The following PLCL2 variants were observed in gnomAD, a reference collection of about 807,000 sequenced individuals.
PLCL2 encodes phospholipase C like 2.
PLCL2 carries 4 observed loss-of-function variants against 79.6 expected under a neutral mutation model. That is an observed-to-expected ratio of 0.05 (90% confidence interval 0.02 to 0.11). The LOEUF (loss-of-function observed/expected upper bound fraction) is 0.11. PLCL2 is among the 10% of genes least tolerant of loss of function. The pLI is 1.00. For synonymous variants in PLCL2, 484 were observed against 457.7 expected, an observed-to-expected ratio of 1.06 and a Z score of -0.73; for missense variants, 895 against 1,291.0, an observed-to-expected ratio of 0.69 and a Z score of 4.70.
intron 1 of PLCL2, among the ~76,000 whole-genome samples, chr3:16,923,824 C>A (rs940166586): frequency 6.6e-6 from 1 of 152,092 alleles, no homozygotes; most frequent in East Asian, 1.9e-4. Flanking sequence ...TCTTTCTGCT[C>A]CTCAGATTGG....
Position 17,011,707 on chromosome 3 carries a change from C to T in PLCL2, c.2361C>T (p.Ile787=). 6.2e-7 allele frequency: 1 copy of T among 1,614,086 alleles called. No individual in the cohort carries two copies. The highest frequency in any genetic ancestry group is 8.5e-7 in the Non-Finnish European group (1 of 1,179,974). ...TAGATCCTTATGTCTATGTTGAAATCCATGGAATCCCTGCTGATTGTGCAG... is the reference window on the plus strand; with the variant it reads ...TAGATCCTTATGTCTATGTTGAAATTCATGGAATCCCTGCTGATTGTGCAG... The part of the protein sequence containing the change: ...DVVDPYVYVE[I]HGIPADCAEQ... The change falls in exon 2 of 6, where the codon ATC becomes ATT. Residue 787 remains isoleucine (I), a synonymous_variant. Transcript: ENST00000615277. This position sits in a 1 kb window ranked among gnomAD's most constrained non-coding sequence, Gnocchi z 7.9.
chr3:17,065,394 A>G (rs2064999928), intron 4 of PLCL2, among the ~76,000 whole-genome samples: 1 of 152,188 alleles, frequency 6.6e-6, no homozygotes, highest in Non-Finnish European at 1.5e-5. Flanking sequence ...CTCTGGCCCT[A>G]GACTCATACT....
chr3:16,961,490 A>G (rs1418240890), intron 1 of PLCL2, among the ~76,000 whole-genome samples: 1 of 152,168 alleles, frequency 6.6e-6, no homozygotes, highest in Non-Finnish European at 1.5e-5. Context: ...CAAGGGTTTA[A>G]GGAAGTTTAA....
chr3:17,006,365 C>G (rs1369950614), intron 1 of PLCL2, among the ~76,000 whole-genome samples: 6 of 152,224 alleles, frequency 3.9e-5, no homozygotes, highest in Non-Finnish European at 8.8e-5. Context: ...TCTGTCCTCC[C>G]CTTCCTTTTC....
chr3:17,021,640 C>G (rs575894829), intron 3 of PLCL2, among the ~76,000 whole-genome samples: 1 of 150,810 alleles, frequency 6.6e-6, no homozygotes, highest in East Asian at 2.0e-4. Flanking sequence ...ACCCCAGATA[C>G]TAAGCAAGGA....
intron 5 of PLCL2, among the ~76,000 whole-genome samples, chr3:17,084,764 A>G: frequency 6.6e-6 from 1 of 152,186 alleles, no homozygotes; most frequent in East Asian, 1.9e-4. Context: ...CTAGGAATAG[A>G]GAGGACCTTA....
rs577214737 is a variant in PLCL2, at chr3:17,089,679, A to G, written c.3205-54A>G. 16 of 1,029,038 alleles carry G rather than the reference A, an allele frequency of 1.6e-5. No individual in the cohort carries two copies. The South Asian group carries it at 2.0e-4, about 13-fold the overall frequency. 63.7% of individuals were successfully genotyped at this position (1,029,038 alleles called of 1,614,324 possible). ...AGTGAAAGATAGATATTGTTGAAGT[A>G]TAACACTAAGTTATGTCATATCTAA... On this transcript the variant is annotated intron_variant, in intron 5 of 5. Transcript: ENST00000615277.
chr3:16,966,200 T>C (rs563647550), intron 1 of PLCL2, among the ~76,000 whole-genome samples: 11,310 of 102,850 alleles, frequency 0.11, 994 homozygotes, highest in Non-Finnish European at 0.12. Flanking sequence ...CCATCAATAC[T>C]GAACTTATTG....
At chr3:16,981,018 C>A (rs555861453) in intron 1 of PLCL2, among the ~76,000 whole-genome samples, 1 of 152,224 alleles carries the variant, frequency 6.6e-6, no homozygotes, top group Non-Finnish European at 1.5e-5. Flanking sequence ...CGCCTGCAAT[C>A]GCAGGCACTC....
chr3:16,960,905 C>T (rs2063748363), intron 1 of PLCL2, among the ~76,000 whole-genome samples: 1 of 152,160 alleles, frequency 6.6e-6, no homozygotes, highest in Non-Finnish European at 1.5e-5. Flanking sequence ...ATAATGACTT[C>T]ATGGTTATTA....
intron 1 of PLCL2, among the ~76,000 whole-genome samples, chr3:17,004,470 T>G (rs1325247806): frequency 6.6e-6 from 1 of 152,118 alleles, no homozygotes; most frequent in Non-Finnish European, 1.5e-5. Flanking sequence ...TAAAGGGCCT[T>G]TCCACATGAG....
chr3:16,967,163 A>G (rs2063816056), intron 1 of PLCL2, among the ~76,000 whole-genome samples: 1 of 151,892 alleles, frequency 6.6e-6, no homozygotes, highest in Non-Finnish European at 1.5e-5. Flanking sequence ...TACCCATTCT[A>G]CTGTTGATGG....
intron 1 of PLCL2, among the ~76,000 whole-genome samples, chr3:16,889,997 G>C (rs1164291071): frequency 2.0e-5 from 3 of 152,170 alleles, no homozygotes; most frequent in African/African-American, 7.2e-5. Context: ...AGGAAACCTG[G>C]ATCATTAAGG....
chr3:16,939,892 G>A (rs1475995416), intron 1 of PLCL2, among the ~76,000 whole-genome samples: 17 of 152,132 alleles, frequency 1.1e-4, no homozygotes, highest in Non-Finnish European at 7.3e-5. Context: ...TTTTCCTTCC[G>A]GGCATTGGGG....
chr3:16,918,756 G>T (rs1697055941), intron 1 of PLCL2, among the ~76,000 whole-genome samples: 1 of 152,140 alleles, frequency 6.6e-6, no homozygotes, highest in Non-Finnish European at 1.5e-5. Flanking sequence ...CATCTATAAA[G>T]GGCTGAAACC....
At chr3:16,984,035 A>G (rs1245382924) in intron 1 of PLCL2, among the ~76,000 whole-genome samples, 1 of 152,214 alleles carries the variant, frequency 6.6e-6, no homozygotes, top group Non-Finnish European at 1.5e-5. Flanking sequence ...TTTACACTCA[A>G]GACAGGAAAT....
chr3:17,048,018 C>A (rs2064799148), intron 4 of PLCL2, among the ~76,000 whole-genome samples: 1 of 152,028 alleles, frequency 6.6e-6, no homozygotes, highest in African/African-American at 2.4e-5. Flanking sequence ...CGACACACTC[C>A]TGCATGGGGA....
chr3:16,932,246 A>G (rs979019350), intron 1 of PLCL2, among the ~76,000 whole-genome samples: 1 of 152,226 alleles, frequency 6.6e-6, no homozygotes, highest in Non-Finnish European at 1.5e-5. Context: ...TATGTGGTTT[A>G]GGTAGTATCA....
intron 3 of PLCL2, among the ~76,000 whole-genome samples, chr3:17,034,937 G>A (rs1402785902): frequency 6.6e-6 from 1 of 152,082 alleles, no homozygotes; most frequent in Non-Finnish European, 1.5e-5. Flanking sequence ...GTACACGCCT[G>A]TAAATGTTTA....
Sources: gnomAD v4.1 joint callset for allele counts (sites outside exome capture counted in the v4.1 genomes callset) on GRCh38, gnomAD v4.1.1 for gene constraint, Gnocchi (gnomAD v3.1) non-coding constraint, MANE v1.5 for transcripts, NCBI Gene and HGNC (gene_info 2026-07-23, HGNC 2026-07-21) for gene names.